Variants in FHIP1A observed in about 807,000 individuals in gnomAD.
FHIP1A encodes the protein FHF complex subunit HOOK interacting protein 1A, also known as FHF complex subunit HOOK-interacting protein 1A.
Under a neutral mutation model 88.6 loss-of-function variants are expected in FHIP1A, and 61 were observed. The ratio of observed to expected loss-of-function variants is 0.69; its 90% CI spans 0.56 to 0.85. The LOEUF (loss-of-function observed/expected upper bound fraction) is 0.85, where lower values mean the gene tolerates loss of function less well. Among genes scored for constraint, FHIP1A ranks in the 40% least tolerant of loss-of-function variants. The pLI, the probability that FHIP1A is intolerant of heterozygous loss-of-function variation, is 0.00. For missense variants in FHIP1A, 1,154 were observed against 1,273.5 expected (o/e 0.91, Z 1.43); for synonymous variants, 478 against 496.0 (o/e 0.96, Z 0.48).
intron 7 of FHIP1A, among the ~76,000 whole-genome samples, chr4:151,619,085 G>T (rs1165344407): frequency 6.6e-6 from 1 of 152,176 alleles, no homozygotes; most frequent in East Asian, 1.9e-4. Flanking sequence ...GCTGATACCT[G>T]AGAAGGACAG....
At chr4:151,606,356 C>G (rs1489702218) in intron 7 of FHIP1A, among the ~76,000 whole-genome samples, 2 of 152,168 alleles carry the variant, frequency 1.3e-5, no homozygotes, top group Non-Finnish European at 2.9e-5. Context: ...TCCTATAATG[C>G]TGTGGAATTT....
At chr4:151,411,193 G>A (rs1188625753) in intron 1 of FHIP1A, among the ~76,000 whole-genome samples, 1 of 152,068 alleles carries the variant, frequency 6.6e-6, no homozygotes, top group South Asian at 2.1e-4. Flanking sequence ...CCCAAGATTG[G>A]TTCAAAATAC....
At chr4:151,616,444 C>CTTTTT (rs763599410) in intron 7 of FHIP1A, among the ~76,000 whole-genome samples, 285 of 113,372 alleles carry the variant, frequency 2.5e-3, no homozygotes, top group Non-Finnish European at 3.0e-3. Context: ...TTCTTTCTTT[C>CTTTTT]TTTTTTTTTT....
intron 3 of FHIP1A, among the ~76,000 whole-genome samples, chr4:151,521,610 C>T (rs530905453): frequency 2.6e-5 from 4 of 152,204 alleles, no homozygotes; most frequent in Non-Finnish European, 2.9e-5. Flanking sequence ...ATGGGTTATT[C>T]GGACTGTTAT....
At chr4:151,511,158 A>G (rs1731013681) in intron 3 of FHIP1A, among the ~76,000 whole-genome samples, 1 of 152,224 alleles carries the variant, frequency 6.6e-6, no homozygotes, top group South Asian at 2.1e-4. Flanking sequence ...GTGAAATAAT[A>G]TGTATTATTC....
At chr4:151,532,196 TC>T in intron 3 of FHIP1A, among the ~76,000 whole-genome samples, 1 of 152,330 alleles carries the variant, frequency 6.6e-6, no homozygotes, top group South Asian at 2.1e-4. Context: ...TCATTATTTT[TC>T]CCCTTTCCAC....
At position 151,662,670 on chromosome 4, in the gene FHIP1A, CCTGAAGG is replaced by C; in HGVS notation, c.3040_3046del (p.Leu1014SerfsTer32). On this transcript the variant is annotated frameshift_variant, in exon 14 of 14. Transcript: ENST00000435205. LOFTEE classifies it high-confidence loss of function. ...TGGCTGCTGCCCTCTTCCCAGAGTTCCTGAAGGAGCTGGCGGCCTTGGCCCAGGAACA... is the reference window on the plus strand; with the variant it reads ...TGGCTGCTGCCCTCTTCCCAGAGTTCAGCTGGCGGCCTTGGCCCAGGAACA... The C allele has an allele frequency of 1.3e-6, 2 of 1,551,592 alleles. No homozygotes were observed. Among genetic ancestry groups the C allele is most frequent in the Non-Finnish European group, 1.7e-6 (2 of 1,146,972 alleles).
At chr4:151,659,710 G>T (rs1424750222) in intron 13 of FHIP1A, among the ~76,000 whole-genome samples, 2 of 152,176 alleles carry the variant, frequency 1.3e-5, no homozygotes, top group East Asian at 3.8e-4. Context: ...TTTATGAGGG[G>T]CGTAACTCAG....
intron 3 of FHIP1A, among the ~76,000 whole-genome samples, chr4:151,533,245 A>G (rs944166403): frequency 6.6e-6 from 1 of 152,036 alleles, no homozygotes; most frequent in Admixed American, 6.6e-5. Context: ...AATTTTAAAA[A>G]ATTAGCTGAG....
chr4:151,556,768 C>T (rs1040917466), intron 3 of FHIP1A, among the ~76,000 whole-genome samples: 2 of 152,120 alleles, frequency 1.3e-5, no homozygotes, highest in African/African-American at 2.4e-5. Context: ...GTTTATTCTT[C>T]AGGAATTATA....
At chr4:151,629,996 T>A (rs756557166) in intron 8 of FHIP1A, 127 bp downstream of exon 8, 79 of 813,536 alleles carry the variant, frequency 9.7e-5, no homozygotes, top group Non-Finnish European at 1.9e-5. Flanking sequence ...TTTTTGGTTG[T>A]TGTTGTTTTG....
intron 8 of FHIP1A, among the ~76,000 whole-genome samples, chr4:151,630,836 T>G (rs188869354): frequency 6.6e-6 from 1 of 152,240 alleles, no homozygotes; most frequent in East Asian, 1.9e-4. Context: ...GGATGGAAAT[T>G]AAAAAATTAT....
At chr4:151,439,639 G>A (rs1728333790) in intron 1 of FHIP1A, among the ~76,000 whole-genome samples, 1 of 152,096 alleles carries the variant, frequency 6.6e-6, no homozygotes, top group African/African-American at 2.4e-5. Context: ...TCTGTAAGAT[G>A]ACAGTTCCAA....
chr4:151,490,357 C>T (rs1339104137), intron 3 of FHIP1A, among the ~76,000 whole-genome samples: 2 of 152,180 alleles, frequency 1.3e-5, no homozygotes, highest in Non-Finnish European at 2.9e-5. Context: ...TTCCCCAGCA[C>T]CAGCCCAGAG....
At chr4:151,490,535 C>T (rs1187874613) in intron 3 of FHIP1A, among the ~76,000 whole-genome samples, 1 of 152,170 alleles carries the variant, frequency 6.6e-6, no homozygotes, top group Admixed American at 6.5e-5. Context: ...GATCTTTCCA[C>T]TGAAACAGTC....
intron 1 of FHIP1A, among the ~76,000 whole-genome samples, chr4:151,415,944 G>A (rs916867437): frequency 1.4e-5 from 2 of 144,716 alleles, no homozygotes; most frequent in Non-Finnish European, 3.1e-5. Flanking sequence ...GGAGCATAGT[G>A]TTTTTTTTTT....
At chr4:151,538,620 G>A (rs1165473823) in intron 3 of FHIP1A, among the ~76,000 whole-genome samples, 1 of 152,182 alleles carries the variant, frequency 6.6e-6, no homozygotes, top group Non-Finnish European at 1.5e-5. Flanking sequence ...TAGAGATGTG[G>A]TTGGGTACTT....
chr4:151,490,250 T>TCCAATTTACTCCCCTC (rs1730234194), intron 3 of FHIP1A, among the ~76,000 whole-genome samples: 1 of 151,882 alleles, frequency 6.6e-6, no homozygotes, highest in African/African-American at 2.4e-5. Flanking sequence ...TCCCGCAGAG[T>TCCAATTTACTCCCCTC]CCACTTTACT....
intron 8 of FHIP1A, among the ~76,000 whole-genome samples, chr4:151,635,170 TG>T (rs1167189865): frequency 1.3e-5 from 2 of 151,792 alleles, no homozygotes. Flanking sequence ...AAAACCACAA[TG>T]AGATATTATC....
Sources: gnomAD v4.1 joint callset for allele counts (sites outside exome capture counted in the v4.1 genomes callset) on GRCh38, gnomAD v4.1.1 for gene constraint, MANE v1.5 for transcripts, NCBI Gene and HGNC (gene_info 2026-07-23, HGNC 2026-07-21) for gene names.